DMBT1: variants seen among roughly 807,000 people sequenced by gnomAD.
DMBT1 encodes deleted in malignant brain tumors 1, also known as scavenger receptor cysteine-rich domain-containing protein DMBT1.
In DMBT1, 198 loss-of-function variants were observed where a neutral mutation model predicts 252.9. The ratio of observed to expected loss-of-function variants is 0.78; its 90% CI spans 0.70 to 0.88. The LOEUF (loss-of-function observed/expected upper bound fraction) is 0.88, where lower values mean the gene tolerates loss of function less well. Among genes scored for constraint, DMBT1 ranks in the 40% least tolerant of loss-of-function variants. The probability of loss-of-function intolerance (pLI) is 0.00; values close to 1 mark genes in which losing one functional copy is unlikely to be tolerated. For missense variants in DMBT1, 2,432 were observed against 2,404.7 expected, an observed-to-expected ratio of 1.01 and a Z score of -0.24; for synonymous variants, 990 against 942.7, an observed-to-expected ratio of 1.05 and a Z score of -0.92.
rs769040433 is a variant in DMBT1, at chr10:122,589,302, G to A, written c.2107+35G>A. ...CAGCAATTTTGGTTTCCTCTCTTGG[G>A]GTAGATTTTGCCCAGGAAGAGAGGT... On this transcript the variant is annotated intron_variant, in intron 17 of 55. Coordinates refer to ENST00000338354, the MANE Select transcript of DMBT1 (RefSeq NM_001377530.1). 22 of 1,587,176 alleles carry A rather than the reference G, an allele frequency of 1.4e-5. 1 individual carries two copies. Among genetic ancestry groups the A allele is most frequent in the Non-Finnish European group, 1.9e-5 (22 of 1,165,252 alleles).
intron 26 of DMBT1, 125 bp from the exon 27 acceptor site, chr10:122,599,939 C>T (rs866880427): frequency 7.2e-7 from 1 of 1,380,784 alleles, no homozygotes; most frequent in Non-Finnish European, 1.0e-6. Context: ...GGCAATGCCC[C>T]TCCCTGTGTG....
intron 1 of DMBT1, among the ~76,000 whole-genome samples, chr10:122,564,359 C>T (rs1403255667): frequency 6.6e-6 from 1 of 152,198 alleles, no homozygotes; most frequent in Non-Finnish European, 1.5e-5. Context: ...GTTCCAGCTA[C>T]TCTAGGGCTG....
At chr10:122,567,266 C>T (rs2097603655) in intron 2 of DMBT1, among the ~76,000 whole-genome samples, 3 of 152,146 alleles carry the variant, frequency 2.0e-5, no homozygotes, top group Admixed American at 6.5e-5. Context: ...CAGGAGGGGG[C>T]GCATTGCCCT....
chr10:122,561,332 A>G (rs999250762), intron 1 of DMBT1, among the ~76,000 whole-genome samples: 1 of 152,222 alleles, frequency 6.6e-6, no homozygotes, highest in Non-Finnish European at 1.5e-5. Flanking sequence ...CAAGATCATT[A>G]AGATTCCAAG....
intron 1 of DMBT1, among the ~76,000 whole-genome samples, chr10:122,561,377 C>G (rs1249318647): frequency 6.6e-6 from 1 of 152,154 alleles, no homozygotes; most frequent in Non-Finnish European, 1.5e-5. Context: ...CTGTCATGCA[C>G]AGCTTTAAAC....
intron 1 of DMBT1, among the ~76,000 whole-genome samples, chr10:122,561,841 C>T (rs557082315): frequency 2.6e-5 from 4 of 151,316 alleles, no homozygotes; most frequent in African/African-American, 7.3e-5. Flanking sequence ...CCTCCTCCTC[C>T]TTCTCTGTTT....
chr10:122,592,312 T>C lies in DMBT1; in HGVS notation c.2217T>C (p.Ser739=), dbSNP rs1193197351. The C allele has an allele frequency of 1.3e-6, 2 of 1,587,554 alleles. No homozygotes were observed. The highest frequency in any genetic ancestry group is 2.7e-5 in the African/African-American group (2 of 74,480). The change falls in exon 20 of 56, where the codon AGT becomes AGC. Residue 739 remains serine (S), a synonymous_variant. Coordinates refer to ENST00000338354, the MANE Select transcript of DMBT1 (RefSeq NM_001377530.1). ...TGACCCTGAGGCTGGTGAATGGAAG[T>C]GACAGGTGTCAGGGCCGAGTAGAGG... The part of the protein sequence containing the change: ...SSLTLRLVNG[S]DRCQGRVEVL...
chr10:122,580,386 G>C (rs193080839), intron 10 of DMBT1, among the ~76,000 whole-genome samples: 2 of 152,214 alleles, frequency 1.3e-5, no homozygotes, highest in Non-Finnish European at 2.9e-5. Flanking sequence ...TATCAGGCCT[G>C]GGTTGCGTGG....
At chr10:122,570,278 C>T in intron 3 of DMBT1, 69 bp downstream of exon 3, 2 of 1,285,592 alleles carry the variant, frequency 1.6e-6, no homozygotes, top group South Asian at 1.2e-5. Context: ...ATCTCTGATC[C>T]AGAAGAGATG....
At chr10:122,620,325 C>T in intron 43 of DMBT1, 34 bp downstream of exon 43, 4 of 1,609,192 alleles carry the variant, frequency 2.5e-6, no homozygotes, top group Middle Eastern at 1.7e-4. Flanking sequence ...CTAGGGCTCA[C>T]TCTCTACCTC....
At chr10:122,586,011 C>G in intron 15 of DMBT1, 49 bp from the exon 16 acceptor site, 1 of 1,586,044 alleles carries the variant, frequency 6.3e-7, no homozygotes, top group Non-Finnish European at 8.6e-7. Flanking sequence ...TCCTTAGATT[C>G]TTGACCTCAT....
chr10:122,587,605 G>A (rs1459669700), intron 16 of DMBT1, among the ~76,000 whole-genome samples: 1 of 148,248 alleles, frequency 6.7e-6, no homozygotes, highest in African/African-American at 2.4e-5. Flanking sequence ...GGAGTGGGTT[G>A]GTTTTGTGTC....
rs549305010 is a variant in DMBT1 at position 122,629,909 on chromosome 10, C to A, written c.5738C>A (p.Ala1913Glu). ...SGTFSSPSYP[A>E]YYPNNAKCVW... is the part of the protein sequence containing the mutation. ...ACATTCTCCAGCCCATCCTACCCTG[C>A]ATACTACCCCAACAATGCTAAGTGT... is the stretch of plus-strand genomic sequence containing the variant. The change falls in exon 47 of 56, where the codon GCA becomes GAA. Residue 1913 changes from alanine to glutamate, a missense_variant. Ala to Glu is a moderately radical substitution (Grantham distance 107). Transcript: ENST00000338354. 6.2e-7 allele frequency: 1 copy of A among 1,614,026 alleles called. No homozygotes were observed. Among genetic ancestry groups the A allele is most frequent in the Admixed American group, 1.7e-5 (1 of 60,024 alleles).
chr10:122,623,234 A>G (rs890039473), intron 44 of DMBT1, among the ~76,000 whole-genome samples: 1 of 152,128 alleles, frequency 6.6e-6, no homozygotes, highest in Non-Finnish European at 1.5e-5. Flanking sequence ...ATGTGTCAGA[A>G]CTCCACTACT....
In DMBT1 at chr10:122,643,289, G is replaced by A; in HGVS notation, c.7520G>A (p.Cys2507Tyr). 1.2e-6 allele frequency: 2 copies of A among 1,614,004 alleles called. No individual in the cohort carries two copies. The highest frequency in any genetic ancestry group is 1.7e-6 in the Non-Finnish European group (2 of 1,179,890). Residue 2507 changes from cysteine (C) to tyrosine (Y), a missense_variant, in exon 56 of 56, where the codon TGT (cysteine) becomes TAT (tyrosine). Cys to Tyr is a radical substitution (Grantham distance 194, BLOSUM62 -2). Coordinates refer to ENST00000338354, the MANE Select transcript of DMBT1 (RefSeq NM_001377530.1). ...YDPSSRCYRG[C>Y]VLRSKRDVGS... The stretch of plus-strand genomic sequence containing the variant: ...CCCTCTTCCCGCTGCTACCGAGGCT[G>A]TGTGTTGAGGTCGAAGAGGGATGTG...
chr10:122,577,325 G>T (rs867948874), intron 7 of DMBT1, among the ~76,000 whole-genome samples: 1 of 152,172 alleles, frequency 6.6e-6, no homozygotes, highest in Non-Finnish European at 1.5e-5. Flanking sequence ...ACTTATGATT[G>T]CTGTGAAGAG....
At chr10:122,587,533 T>C (rs996637433) in intron 16 of DMBT1, among the ~76,000 whole-genome samples, 4 of 146,788 alleles carry the variant, frequency 2.7e-5, no homozygotes, top group Non-Finnish European at 4.5e-5. Flanking sequence ...GGCTGGATAT[T>C]TTTTTTTTGC....
Position 122,643,354 on chromosome 10 carries a change from A to C in DMBT1, c.7585A>C (p.Ile2529Leu), listed in dbSNP as rs1181925811. The change falls in exon 56 of 56, where the codon ATC (isoleucine) becomes CTC (leucine). Residue 2529 changes from isoleucine (I) to leucine (L), a missense_variant. Physicochemically the swap from Ile to Leu is conservative, Grantham distance 5. Transcript: ENST00000338354. ...AAAGGTGGACGTCGTCCTGGGTCCC[A>C]TCCAGCTGCAGACCCCCCCACGCCG... ...QEKVDVVLGP[I>L]QLQTPPRREE... 1.9e-6 allele frequency: 3 copies of C among 1,613,862 alleles called. No individual in the cohort carries two copies. In the South Asian group the frequency reaches 3.3e-5, roughly 18 times the overall value.
Position 122,633,327 on chromosome 10 carries a change from C to T in DMBT1, c.6534C>T (p.Ile2178=), listed in dbSNP as rs770740657. The change falls in exon 52 of 56, where the codon ATC becomes ATT. Residue 2178 remains isoleucine, a synonymous_variant. Transcript: ENST00000338354. The stretch of plus-strand genomic sequence containing the variant: ...AAAACAACTACCGTGTGACTGTGAT[C>T]TTCAGAGATGTCCAGTAAGTGTGCG... ...EVQNNYRVTV[I]FRDVQLEGGC... The T allele has an allele frequency of 1.9e-6, 3 of 1,613,934 alleles. No individual in the cohort carries two copies. The highest frequency in any genetic ancestry group is 1.7e-5 in the Admixed American group (1 of 60,026).
Sources: gnomAD v4.1 joint callset for allele counts (sites outside exome capture counted in the v4.1 genomes callset) on GRCh38, gnomAD v4.1.1 for gene constraint, MANE v1.5 for transcripts, NCBI Gene and HGNC (gene_info 2026-07-23, HGNC 2026-07-21) for gene names.